Variants in FGD6 observed in about 807,000 individuals in gnomAD.
FGD6 encodes FYVE, RhoGEF and PH domain containing 6.
FGD6 carries 90 observed loss-of-function variants against 149.4 expected under a neutral mutation model. The ratio of observed to expected loss-of-function variants is 0.60; its 90% CI spans 0.51 to 0.72. FGD6 has a LOEUF of 0.72. Ranked by LOEUF, FGD6 falls within the 30% of genes least tolerant of loss-of-function variation. The pLI, the probability that FGD6 is intolerant of heterozygous loss-of-function variation, is 0.00. For synonymous variants in FGD6, 527 were observed against 584.0 expected (o/e 0.90, Z 1.41); for missense variants, 1,437 against 1,684.8 (o/e 0.85, Z 2.57).
intron 14 of FGD6, among the ~76,000 whole-genome samples, chr12:95,103,246 G>T (rs75250737): frequency 0.011 from 1,743 of 152,306 alleles, 39 homozygotes; most frequent in African/African-American, 0.038. Context: ...AAAAGCGTTT[G>T]CTTCTATTTT....
At chr12:95,101,215 C>T (rs1490825611) in intron 14 of FGD6, among the ~76,000 whole-genome samples, 5 of 151,300 alleles carry the variant, frequency 3.3e-5, no homozygotes, top group Non-Finnish European at 5.9e-5. Context: ...GGCATGGCGG[C>T]GCACCCCTGT....
intron 8 of FGD6, 93 bp from the exon 9 acceptor site, chr12:95,113,794 G>A (rs1252145651): frequency 1.3e-6 from 1 of 765,334 alleles, no homozygotes; most frequent in East Asian, 2.8e-5. Context: ...AGTCTTGCTG[G>A]TTAATATACA....
At chr12:95,133,884 G>C (rs1037091505) in intron 8 of FGD6, among the ~76,000 whole-genome samples, 40 of 152,124 alleles carry the variant, frequency 2.6e-4, no homozygotes, top group African/African-American at 9.2e-4. Flanking sequence ...CAAGGCTATG[G>C]TGAGGATTTA....
chr12:95,161,600 T>C (rs1880644225), intron 3 of FGD6, among the ~76,000 whole-genome samples: 1 of 152,234 alleles, frequency 6.6e-6, no homozygotes. Context: ...ATAAACTCTC[T>C]ACTTACATTA....
At chr12:95,153,944 TGTGAGTGAGAGAGA>T (rs1478567196) in intron 3 of FGD6, among the ~76,000 whole-genome samples, 2 of 135,874 alleles carry the variant, frequency 1.5e-5, no homozygotes, top group Non-Finnish European at 3.2e-5. Flanking sequence ...TGTGTGTGTG[TGTGAGTGAGAGAGA>T]GAAGAGACAG....
rs772685891 is a variant in FGD6, at chr12:95,083,030, T to TATATACACACACAC, written c.4256+1467_4256+1468insGTGTGTGTGTATAT. ...AAAAAAAAATATATATATATATATA[T>TATATACACACACAC]ACACACACATACACACACACACACA... On this transcript the variant is annotated intron_variant, in intron 20 of 20. Transcript: ENST00000343958. Among the ~76,000 whole-genome samples the TATATACACACACAC allele has an allele frequency of 4.1e-4, 23 of 56,588 alleles. 1 individual carries two copies. The highest frequency in any genetic ancestry group is 1.9e-3 in the African/African-American group (23 of 12,358). The allele number at this position is 56,588 out of a possible 152,430, so 37.1% of individuals were successfully genotyped here.
Position 95,082,273 on chromosome 12 carries a change from T to C in FGD6, c.4257-717A>G, listed in dbSNP as rs140980787. ...TACCTTAACTCTAGCTATCAGAGTT[T>C]CCTTGTATATCCCCTAATCCAGACC... On this transcript the variant is annotated intron_variant, in intron 20 of 20. Transcript: ENST00000343958. 3.9e-5 allele frequency among the ~76,000 whole-genome samples: 6 copies of C among 152,282 alleles called. No individual in the cohort carries two copies. In the East Asian group the frequency reaches 1.2e-3, roughly 29 times the overall value.
chr12:95,091,482 T>A (rs1026164866), intron 17 of FGD6, among the ~76,000 whole-genome samples: 1 of 152,242 alleles, frequency 6.6e-6, no homozygotes, highest in Non-Finnish European at 1.5e-5. Flanking sequence ...TAATTACATT[T>A]CTACAGTTTT....
In FGD6 at chr12:95,153,913, G is replaced by GTA. The variant is rs1491266354; in HGVS notation, c.2587-921_2587-920insTA. Among the ~76,000 whole-genome samples, 3 of 51,174 alleles carry GTA rather than the reference G, an allele frequency of 5.9e-5. No homozygotes were observed. The East Asian group carries it at 1.8e-3, about 31-fold the overall frequency. 33.6% of individuals were successfully genotyped at this position (51,174 alleles called of 152,430 possible). A position where few individuals can be genotyped will look rare whatever the true frequency, so the allele number is the denominator to read the frequency against. ...ATGCTAAGGAGCTGAAATGAAATTC[G>GTA]TGTGTGTGTGTGTGTGTGTGTGTGT... On this transcript the variant is annotated intron_variant, in intron 3 of 20. Coordinates refer to ENST00000343958, the MANE Select transcript of FGD6 (RefSeq NM_018351.4).
chr12:95,217,183 C>A (rs756439446), intron 1 of FGD6, 42 bp downstream of exon 1: 2 of 1,611,690 alleles, frequency 1.2e-6, no homozygotes, highest in East Asian at 4.5e-5. Flanking sequence ...TAGCAGCGCT[C>A]GCCACAAACT....
chr12:95,112,737 G>A (rs1878870752), intron 9 of FGD6, among the ~76,000 whole-genome samples: 1 of 152,166 alleles, frequency 6.6e-6, no homozygotes, highest in Admixed American at 6.5e-5. Context: ...TTGTGAGGGA[G>A]AGAGACACAG....
intron 17 of FGD6, among the ~76,000 whole-genome samples, chr12:95,091,059 C>G (rs1028927923): frequency 6.6e-6 from 1 of 152,172 alleles, no homozygotes; most frequent in Non-Finnish European, 1.5e-5. Context: ...TGTCACTGCA[C>G]TCCAGCTTGG....
chr12:95,141,396 C>A lies in FGD6; in HGVS notation c.2829G>T (p.Met943Ile). 1 of 1,613,890 alleles carries A rather than the reference C, an allele frequency of 6.2e-7. No individual in the cohort carries two copies. The highest frequency in any genetic ancestry group is 1.1e-5 in the South Asian group (1 of 91,030). Reference sequence around the variant, plus strand: ...AAACGGTCCATTTTTACCAGTGCAACATTCTTTCCTCCAGTTCCTTCAAGA... The same window carrying A: ...AAACGGTCCATTTTTACCAGTGCAAAATTCTTTCCTCCAGTTCCTTCAAGA... ...RDLLKELEER[M>I]LHWTEQQRIA... Residue 943 changes from methionine (M) to isoleucine (I), a missense_variant, in exon 6 of 21, where the codon ATG becomes ATT. Physicochemically the swap from Met to Ile is conservative, Grantham distance 10. Transcript: ENST00000343958.
rs1452282963 is a variant in FGD6, at chr12:95,080,775, A to G, written c.*745T>C. 2.6e-5 allele frequency: 4 copies of G among 152,322 alleles called. No homozygotes were observed. In the East Asian group the frequency reaches 7.7e-4, roughly 29 times the overall value. The allele number at this position is 152,322 out of a possible 1,614,324, so 9.4% of individuals were successfully genotyped here. ...TTGTTTCGAAGTGGTAGATTTTTTA[A>G]AAGATTGGACTTAAAAGCCGGAAGA... On this transcript the variant is annotated 3_prime_UTR_variant, in exon 21 of 21. Transcript: ENST00000343958.
At chr12:95,114,664 T>C (rs1460841151) in intron 8 of FGD6, among the ~76,000 whole-genome samples, 1 of 152,054 alleles carries the variant, frequency 6.6e-6, no homozygotes, top group Non-Finnish European at 1.5e-5. Context: ...AAAGAGGTAA[T>C]AGAAGAACCT....
intron 6 of FGD6, among the ~76,000 whole-genome samples, chr12:95,139,589 G>A (rs1879783652): frequency 6.6e-6 from 1 of 151,530 alleles, no homozygotes; most frequent in African/African-American, 2.4e-5. Flanking sequence ...GCCTGTCTCG[G>A]CCTCCCAAAA....
Position 95,092,747 on chromosome 12 carries a change from G to A in FGD6, c.3699C>T (p.Ser1233=), listed in dbSNP as rs79088969. 2,436 of 1,614,084 alleles carry A rather than the reference G, an allele frequency of 1.5e-3. 37 individuals are homozygous for A. In the African/African-American group the frequency reaches 0.028, roughly 19 times the overall value. Residue 1233 remains serine (S), a synonymous_variant, in exon 16 of 21, where the codon AGC becomes AGT. Coordinates refer to ENST00000343958, the MANE Select transcript of FGD6 (RefSeq NM_018351.4). The part of the protein sequence containing the change: ...TRATMCMICT[S]EFTLTWRRHH... ...GTCGTCTCCAGGTGAGAGTGAATTC[G>A]CTTGTGCAGATCATACACATTGTGG...
chr12:95,213,172 T>A (rs1039606631), intron 1 of FGD6, among the ~76,000 whole-genome samples: 4 of 152,222 alleles, frequency 2.6e-5, no homozygotes, highest in Non-Finnish European at 1.5e-5. Flanking sequence ...ATGAATGCCT[T>A]AGGCCTCTTC....
chr12:95,087,720 G>A (rs538873603), intron 18 of FGD6, among the ~76,000 whole-genome samples: 1 of 152,074 alleles, frequency 6.6e-6, no homozygotes, highest in African/African-American at 2.4e-5. Context: ...TAATACACAT[G>A]CGCTCTGTGA....
Sources: allele counts gnomAD v4.1 joint callset (sites outside exome capture counted in the v4.1 genomes callset), GRCh38; gene constraint gnomAD v4.1.1; transcripts MANE v1.5; gene names NCBI Gene and HGNC (gene_info 2026-07-23, HGNC 2026-07-21).